The following HEATR4 variants were observed in gnomAD, a reference collection of about 807,000 sequenced individuals.
HEATR4 encodes HEAT repeat-containing protein 4.
In HEATR4, 95 loss-of-function variants were observed where a neutral mutation model predicts 108.8. That is an observed-to-expected ratio of 0.87 (90% confidence interval 0.74 to 1.04). HEATR4 has a LOEUF of 1.04. HEATR4 is among the 50% of genes least tolerant of loss of function. The probability of loss-of-function intolerance (pLI) is 0.00; values close to 1 mark genes in which losing one functional copy is unlikely to be tolerated. For synonymous variants in HEATR4, 443 were observed against 459.4 expected, an observed-to-expected ratio of 0.96 and a Z score of 0.46; for missense variants, 1,152 against 1,253.8, an observed-to-expected ratio of 0.92 and a Z score of 1.23.
chr14:73,588,757 T>C, the HEATR4 span, among the ~76,000 whole-genome samples: 1 of 152,168 alleles, frequency 6.6e-6, no homozygotes, highest in African/African-American at 2.4e-5. Flanking sequence ...AGACCCACTC[T>C]TGATTTTCCA....
the HEATR4 span, among the ~76,000 whole-genome samples, chr14:73,564,517 G>A: frequency 1.7e-4 from 26 of 150,834 alleles, 1 homozygote; most frequent in African/African-American, 6.1e-4. Flanking sequence ...GAGGTGGGAG[G>A]ACTGGCTAAG....
At chr14:73,616,826 T>C in the HEATR4 span, 18 of 548,044 alleles carry the variant, frequency 3.3e-5, 1 homozygote, top group Non-Finnish European at 3.9e-5. Context: ...GTACCCAATA[T>C]GTAGTTTTTT....
chr14:73,612,756 T>C, the HEATR4 span: 2 of 1,372,630 alleles, frequency 1.5e-6, no homozygotes, highest in South Asian at 1.7e-5. Context: ...GAGCTGGACC[T>C]GGAGCGCGCG....
the HEATR4 span, among the ~76,000 whole-genome samples, chr14:73,590,699 C>G: frequency 3.9e-5 from 6 of 151,922 alleles, no homozygotes; most frequent in Admixed American, 6.6e-5. Context: ...CCTCACTGCC[C>G]GGGGCTTGCG....
intron 9 of HEATR4, among the ~76,000 whole-genome samples, chr14:73,507,092 C>T (rs1314208932): frequency 6.6e-6 from 1 of 152,038 alleles, no homozygotes; most frequent in Non-Finnish European, 1.5e-5. Context: ...CGTGAGCCAC[C>T]GTGCCCGGCC....
chr14:73,521,558 A>G (rs1887979348), intron 3 of HEATR4, among the ~76,000 whole-genome samples: 1 of 152,226 alleles, frequency 6.6e-6, no homozygotes, highest in Non-Finnish European at 1.5e-5. Context: ...TATTTGTCCA[A>G]TAAATGAATA....
At chr14:73,618,623 GAAAAT>G in the HEATR4 span, among the ~76,000 whole-genome samples, 78,917 of 148,624 alleles carry the variant, frequency 0.53, 22,092 homozygotes, top group East Asian at 0.85. Context: ...CAAGGCAGGA[GAAAAT>G]AATATACTGT....
rs1373174156 is a variant in HEATR4 at position 73,528,015 on chromosome 14, GC to G, written c.-73+2150del. On this transcript the variant is annotated intron_variant, in intron 2 of 17. Transcript: ENST00000553558. ...TGATTTAGGATGTCCCCAGATAAAT[GC>G]CCTTTAGCCTGTGACGTAAAGAATC... is the stretch of plus-strand genomic sequence containing the variant. 2.1e-5 allele frequency among the ~76,000 whole-genome samples: 3 copies of G among 145,956 alleles called. No homozygotes were observed. The Admixed American group carries it at 2.1e-4, about 10-fold the overall frequency.
In HEATR4 at chr14:73,508,118, G is replaced by T; in HGVS notation, c.1881+16C>A. 1 of 1,611,600 alleles carries T rather than the reference G, an allele frequency of 6.2e-7. No individual in the cohort carries two copies. The highest frequency in any genetic ancestry group is 8.5e-7 in the Non-Finnish European group (1 of 1,177,980). On this transcript the variant is annotated intron_variant, in intron 9 of 17. Transcript: ENST00000553558. ...TGCTCCCCAAAACTGTGTCTGACCC[G>T]GTAATGGACACATACTGTCTTCTCA...
the HEATR4 span, among the ~76,000 whole-genome samples, chr14:73,621,748 C>CCTTT: frequency 7.7e-4 from 114 of 148,252 alleles, no homozygotes; most frequent in Non-Finnish European, 1.0e-3. Context: ...GTATAATTTT[C>CCTTT]CTTTCTTTCT....
In HEATR4 at chr14:73,492,442, C is replaced by T. The variant is rs1277421901; in HGVS notation, c.2844+624G>A. 6.8e-6 allele frequency: 11 copies of T among 1,613,630 alleles called. No individual in the cohort carries two copies. In the South Asian group the frequency reaches 8.8e-5, roughly 13 times the overall value. On this transcript the variant is annotated intron_variant, in intron 17 of 17. Transcript: ENST00000553558. This position sits in a 1 kb window ranked among gnomAD's most constrained non-coding sequence, Gnocchi z 4.9. ...CAGATTCTAAGGATCCGCGAAGAAC[C>T]GCTTTCATGGAGAAGGTGCGGGTCT...
chr14:73,612,969 G>GGGTGCGGCGCGAGCC, the HEATR4 span: 3 of 1,197,404 alleles, frequency 2.5e-6, no homozygotes, highest in Non-Finnish European at 1.1e-6. Context: ...CTCCGGCCGG[G>GGGTGCGGCGCGAGCC]GGTGCGGCGC....
chr14:73,515,579 C>T (rs1887550344), intron 5 of HEATR4, among the ~76,000 whole-genome samples: 1 of 143,016 alleles, frequency 7.0e-6, no homozygotes, highest in African/African-American at 2.6e-5. Context: ...ACTCGGGATG[C>T]TGAAGCAGAA....
chr14:73,612,585 T>C, the HEATR4 span: 1 of 1,407,310 alleles, frequency 7.1e-7, no homozygotes, highest in Non-Finnish European at 9.3e-7. Flanking sequence ...GCAGCGACGC[T>C]GATCCTGGAG....
chr14:73,495,378 G>A lies in HEATR4; in HGVS notation c.2635C>T (p.Leu879=). The A allele has an allele frequency of 6.2e-7, 1 of 1,613,208 alleles. No homozygotes were observed. Among genetic ancestry groups the A allele is most frequent in the Non-Finnish European group, 8.5e-7 (1 of 1,179,492 alleles). Residue 879 remains leucine, a synonymous_variant, in exon 16 of 18, where the codon CTA becomes TTA. Transcript: ENST00000553558. ...TGTGTCAGCAAGTCCTTTTGGCTTA[G>A]TGTTTTAATCTAAATTAGAACAAAT... The part of the protein sequence containing the change: ...LQEIKNRIKT[L]SQKDLLTHKI...
the HEATR4 span, among the ~76,000 whole-genome samples, chr14:73,586,234 A>T: frequency 1.4e-4 from 21 of 150,818 alleles, no homozygotes; most frequent in African/African-American, 4.6e-4. Context: ...TCACTACTAA[A>T]CATACAAAAT....
rs1358824522 is a variant in HEATR4, at chr14:73,493,115, A to C, written c.2795T>G (p.Val932Gly). The change falls in exon 17 of 18, where the codon GTT (valine) becomes GGT (glycine). Residue 932 changes from valine (V) to glycine (G), a missense_variant. Physicochemically the swap from Val to Gly is moderately radical, Grantham distance 109 (BLOSUM62 -3). Transcript: ENST00000553558. ...AACCTCGGAAGGTCTTCTAGGAAGAACCATCTCATCTAGGTACAAAAGGAA... is the reference window on the plus strand; with the variant it reads ...AACCTCGGAAGGTCTTCTAGGAAGACCCATCTCATCTAGGTACAAAAGGAA... ...LLQETFQDEM[V>G]LPRRPSEVCD... 1 of 1,613,228 alleles carries C rather than the reference A, an allele frequency of 6.2e-7. No individual in the cohort carries two copies. Among genetic ancestry groups the C allele is most frequent in the Non-Finnish European group, 8.5e-7 (1 of 1,179,796 alleles).
chr14:73,524,308 AAAATAT>A (rs1415872470), intron 2 of HEATR4, among the ~76,000 whole-genome samples: 3,710 of 82,752 alleles, frequency 0.045, 48 homozygotes, highest in Non-Finnish European at 0.066. Flanking sequence ...AAAAAAAAAA[AAAATAT>A]ATATATATAT....
chr14:73,514,004 A>G (rs1187593866), intron 6 of HEATR4, 27 bp downstream of exon 6: 1 of 1,606,538 alleles, frequency 6.2e-7, no homozygotes, highest in African/African-American at 1.3e-5. Flanking sequence ...ACAAACGTAC[A>G]GTATCACAGG....
Sources: gnomAD v4.1 joint callset for allele counts (sites outside exome capture counted in the v4.1 genomes callset) on GRCh38, gnomAD v4.1.1 for gene constraint, Gnocchi (gnomAD v3.1) non-coding constraint, MANE v1.5 for transcripts, NCBI Gene and HGNC (gene_info 2026-07-23, HGNC 2026-07-21) for gene names.